The following EXOC4 variants were observed in gnomAD, a reference collection of about 807,000 sequenced individuals.
EXOC4 encodes exocyst complex component 4.
A neutral mutation model predicts 107.2 loss-of-function variants in EXOC4; 71 were observed. The observed-to-expected ratio is 0.66, with a 90% CI of 0.55 to 0.81. The LOEUF (loss-of-function observed/expected upper bound fraction) is 0.81. EXOC4 is among the 30% of genes least tolerant of loss of function. EXOC4 has a pLI of 0.00. For synonymous variants in EXOC4, 456 were observed against 441.2 expected, an observed-to-expected ratio of 1.03 and a Z score of -0.42; for missense variants, 1,108 against 1,189.6, an observed-to-expected ratio of 0.93 and a Z score of 1.01.
In EXOC4 at chr7:133,808,764, A is replaced by AT. The variant is rs796720211; in HGVS notation, c.1515-8550dup. On this transcript the variant is annotated intron_variant, in intron 10 of 17. Transcript: ENST00000253861. ...GGATTTTATTATGAGTTGTAGGTTG[A>AT]TTTTTTTTTTTACATATAAATCTAC... Among the ~76,000 whole-genome samples, 115 of 147,262 alleles carry AT rather than the reference A, an allele frequency of 7.8e-4. 1 individual carries two copies. Among genetic ancestry groups the AT allele is most frequent in the Middle Eastern group, 3.5e-3 (1 of 286 alleles).
chr7:133,547,918 T>C (rs1343156325), intron 9 of EXOC4, among the ~76,000 whole-genome samples: 2 of 152,106 alleles, frequency 1.3e-5, no homozygotes, highest in Non-Finnish European at 2.9e-5. Context: ...CAGAAATGTT[T>C]GTAATGGCAT....
chr7:133,361,840 A>G (rs1333448810), intron 6 of EXOC4, among the ~76,000 whole-genome samples: 1 of 152,238 alleles, frequency 6.6e-6, no homozygotes, highest in Admixed American at 6.5e-5. Context: ...TATAGATACA[A>G]TAAGCCATGA....
chr7:134,057,573 A>G (rs1016533674), intron 17 of EXOC4, among the ~76,000 whole-genome samples: 5 of 152,218 alleles, frequency 3.3e-5, no homozygotes, highest in African/African-American at 1.2e-4. Context: ...CAATTAGATT[A>G]TACTTTTTAA....
At chr7:134,082,176 T>A in the EXOC4 span, among the ~76,000 whole-genome samples, 2 of 59,728 alleles carry the variant, frequency 3.3e-5, no homozygotes, top group African/African-American at 3.3e-4. Flanking sequence ...GGCTGCTGGT[T>A]GCCCATTTTT....
chr7:133,987,397 A>C (rs28519661), intron 14 of EXOC4, among the ~76,000 whole-genome samples: 1 of 151,854 alleles, frequency 6.6e-6, no homozygotes, highest in African/African-American at 2.4e-5. Flanking sequence ...AAGAAAGAAA[A>C]AGAGAGAGAA....
chr7:133,928,179 A>T (rs1255642108), intron 13 of EXOC4, among the ~76,000 whole-genome samples: 1 of 152,080 alleles, frequency 6.6e-6, no homozygotes, highest in Non-Finnish European at 1.5e-5. Context: ...TTGAGGCTTA[A>T]TGAAAGAAAA....
At chr7:133,271,976 G>A (rs73436961) in intron 1 of EXOC4, among the ~76,000 whole-genome samples, 11 of 152,164 alleles carry the variant, frequency 7.2e-5, no homozygotes, top group African/African-American at 2.7e-4. Flanking sequence ...TTTAACTTTT[G>A]TCTTCAGAGG....
chr7:133,692,605 C>A (rs1794445836), intron 10 of EXOC4, among the ~76,000 whole-genome samples: 1 of 152,172 alleles, frequency 6.6e-6, no homozygotes, highest in Non-Finnish European at 1.5e-5. Flanking sequence ...CATAATCTCC[C>A]CTTCCAATGA....
intron 9 of EXOC4, among the ~76,000 whole-genome samples, chr7:133,498,983 A>G (rs964839089): frequency 2.0e-5 from 3 of 152,106 alleles, no homozygotes; most frequent in Non-Finnish European, 4.4e-5. Flanking sequence ...CGTTCTCTGT[A>G]TAATAAGAAT....
At chr7:134,057,419 TAAC>T (rs763876892) in intron 17 of EXOC4, among the ~76,000 whole-genome samples, 13 of 95,006 alleles carry the variant, frequency 1.4e-4, no homozygotes, top group Admixed American at 4.9e-4. Flanking sequence ...ATTGTGCCAC[TAAC>T]TGTCTGAAAA....
intron 9 of EXOC4, among the ~76,000 whole-genome samples, chr7:133,613,935 G>A (rs1404543207): frequency 1.3e-5 from 2 of 152,156 alleles, no homozygotes; most frequent in Non-Finnish European, 2.9e-5. Context: ...AGGATGTAAA[G>A]CTGGAGAATT....
intron 10 of EXOC4, among the ~76,000 whole-genome samples, chr7:133,812,729 T>C (rs539481411): frequency 1.3e-5 from 2 of 152,196 alleles, no homozygotes; most frequent in African/African-American, 2.4e-5. Context: ...TTACTTCACA[T>C]ATTTATTTTT....
chr7:133,284,554 C>T (rs770998174), intron 2 of EXOC4, among the ~76,000 whole-genome samples: 5 of 151,960 alleles, frequency 3.3e-5, no homozygotes, highest in African/African-American at 4.8e-5. Flanking sequence ...TTTTGTGAGA[C>T]GGAGTGTCGC....
chr7:133,475,568 T>A, intron 8 of EXOC4, 95 bp downstream of exon 8: 1 of 1,137,446 alleles, frequency 8.8e-7, no homozygotes, highest in South Asian at 1.5e-5. Flanking sequence ...TTGTCTAGCT[T>A]AAGTTGATTG....
chr7:134,033,194 G>A (rs928666008), intron 17 of EXOC4, among the ~76,000 whole-genome samples: 1 of 152,106 alleles, frequency 6.6e-6, no homozygotes, highest in East Asian at 1.9e-4. Context: ...AAAAAAAAAT[G>A]TCAGAGTGCC....
At chr7:133,632,647 C>G (rs901933309) in intron 10 of EXOC4, among the ~76,000 whole-genome samples, 1 of 152,030 alleles carries the variant, frequency 6.6e-6, no homozygotes, top group African/African-American at 2.4e-5. Flanking sequence ...TTCATTATCA[C>G]GCTTGTGTAT....
At chr7:133,409,039 T>C (rs560376362) in intron 7 of EXOC4, among the ~76,000 whole-genome samples, 1 of 152,316 alleles carries the variant, frequency 6.6e-6, no homozygotes, top group Non-Finnish European at 1.5e-5. Flanking sequence ...AAAAGAAGTA[T>C]AATCAAAATC....
intron 14 of EXOC4, among the ~76,000 whole-genome samples, chr7:133,976,953 A>G (rs1793850723): frequency 6.6e-6 from 1 of 152,198 alleles, no homozygotes; most frequent in Non-Finnish European, 1.5e-5. Context: ...GAACAAAGAG[A>G]GCTAAGCTTT....
chr7:133,459,821 ACATAT>A (rs998642763), intron 7 of EXOC4, among the ~76,000 whole-genome samples: 4 of 152,318 alleles, frequency 2.6e-5, no homozygotes, highest in South Asian at 2.1e-4. Flanking sequence ...AAATCAACAG[ACATAT>A]CATTTAAATA....
Sources: allele counts gnomAD v4.1 joint callset (sites outside exome capture counted in the v4.1 genomes callset), GRCh38; gene constraint gnomAD v4.1.1; transcripts MANE v1.5; gene names NCBI Gene and HGNC (gene_info 2026-07-23, HGNC 2026-07-21).